The following NPRL3 variants were observed in gnomAD, a reference collection of about 807,000 sequenced individuals.
NPRL3 encodes the protein GATOR1 complex protein NPRL3.
A neutral mutation model predicts 57.2 loss-of-function variants in NPRL3; 23 were observed. The ratio of observed to expected loss-of-function variants is 0.40; its 90% confidence interval spans 0.29 to 0.57. The LOEUF is 0.57. NPRL3 is among the 20% of genes least tolerant of loss of function. NPRL3 has a pLI of 0.42. For missense variants in NPRL3, 691 were observed against 767.1 expected (o/e 0.90, Z 1.17); for synonymous variants, 333 against 321.1 (o/e 1.04, Z -0.39).
At chr16:124,453 G>A (rs923247376) in intron 3 of NPRL3, among the ~76,000 whole-genome samples, 3 of 151,074 alleles carry the variant, frequency 2.0e-5, no homozygotes, top group South Asian at 4.2e-4. Flanking sequence ...CTCCTGCCTC[G>A]GCCTCCCAAA....
intron 11 of NPRL3, among the ~76,000 whole-genome samples, chr16:92,032 C>T (rs979045164): frequency 5.9e-5 from 9 of 152,218 alleles, no homozygotes; most frequent in Non-Finnish European, 1.0e-4. Flanking sequence ...TAGCTCCCAA[C>T]CTGCCTGCCC....
rs370742366 is a variant in NPRL3 at position 86,667 on chromosome 16, C to G, written c.*38G>C. On this transcript the variant is annotated 3_prime_UTR_variant, in exon 14 of 14. Transcript: ENST00000611875. ...TGGGGTGGGGAGACGCGAGCGCCCA[C>G]CTGCGCACCCCAGCAGCCTTCCGCC... The G allele has an allele frequency of 2.0e-4, 301 of 1,524,804 alleles. 1 individual carries two copies. In the African/African-American group the frequency reaches 3.7e-3, roughly 19 times the overall value. The allele number at this position is 1,524,804 out of a possible 1,614,324, so 94.5% of individuals were successfully genotyped here.
chr16:91,026 GCCAAGATCACGCCACTGTACT>G (rs1236862212), intron 11 of NPRL3: 9 of 152,080 alleles, frequency 5.9e-5, no homozygotes, highest in African/African-American at 1.9e-4. Flanking sequence ...GTTGCAGTGA[GCCAAGATCACGCCACTGTACT>G]TCAGCCTGGA....
At chr16:89,291 C>G in intron 12 of NPRL3, 1 of 267,648 alleles carries the variant, frequency 3.7e-6, no homozygotes, top group Non-Finnish European at 7.1e-6. Context: ...CTTCCACCCC[C>G]TTCCTTCCCC....
intron 9 of NPRL3, among the ~76,000 whole-genome samples, chr16:97,692 CAG>C (rs1179454542): frequency 1.3e-5 from 2 of 152,122 alleles, no homozygotes; most frequent in African/African-American, 4.8e-5. Context: ...TGTGCACACA[CAG>C]GGGCGTAAGG....
chr16:127,206 T>G, intron 3 of NPRL3: 1 of 152,488 alleles, frequency 6.6e-6, no homozygotes, highest in Non-Finnish European at 1.4e-5. Flanking sequence ...CTCAAAAAAC[T>G]AGCCCCCTCT....
intron 7 of NPRL3, among the ~76,000 whole-genome samples, chr16:102,908 T>C (rs1567135856): frequency 6.6e-6 from 1 of 152,146 alleles, no homozygotes; most frequent in African/African-American, 2.4e-5. Context: ...TCAGGGTCTT[T>C]GCAGGGTGAA....
At chr16:133,755 AGCTTTCAACAT>A (rs1396106736) in intron 2 of NPRL3, among the ~76,000 whole-genome samples, 2 of 152,206 alleles carry the variant, frequency 1.3e-5, no homozygotes, top group Non-Finnish European at 2.9e-5. Flanking sequence ...GGCCTAGTTC[AGCTTTCAACAT>A]GCCTTCCTCA....
intron 9 of NPRL3, among the ~76,000 whole-genome samples, chr16:94,529 G>A (rs1024259159): frequency 3.3e-5 from 5 of 152,120 alleles, no homozygotes; most frequent in Non-Finnish European, 7.4e-5. Flanking sequence ...CAGGAGGATC[G>A]CCTGAACCTC....
At chr16:127,717 C>T (rs1276238716) in intron 3 of NPRL3, among the ~76,000 whole-genome samples, 2 of 148,874 alleles carry the variant, frequency 1.3e-5, no homozygotes, top group Admixed American at 1.3e-4. Flanking sequence ...TGCAGTGGCA[C>T]AATCTTGGCT....
rs761632291 is a variant in NPRL3 at position 112,787 on chromosome 16, A to G, written c.394-12T>C. Reference sequence around the variant, plus strand: ...GGGTCTGCGTTGGCCTGCAGGAGAGAGACCATACACAGACTCAAACGTGTG... The same window carrying G: ...GGGTCTGCGTTGGCCTGCAGGAGAGGGACCATACACAGACTCAAACGTGTG... On this transcript the variant is annotated splice_polypyrimidine_tract_variant and intron_variant, in intron 5 of 13. Coordinates refer to ENST00000611875, the MANE Select transcript of NPRL3 (RefSeq NM_001077350.3). The G allele has an allele frequency of 5.6e-5, 88 of 1,585,518 alleles. No individual in the cohort carries two copies. Among genetic ancestry groups the G allele is most frequent in the Non-Finnish European group, 7.4e-5 (86 of 1,159,966 alleles).
chr16:100,970 CAAAAAAAA>C lies in NPRL3; in HGVS notation c.630-469_630-462del, dbSNP rs59640237. ...TGGGCAACAAGGCAAGACTCTGTCT[CAAAAAAAA>C]AAAAAAAAAAAAGGAAGAAGAAGAA... is the stretch of plus-strand genomic sequence containing the variant. On this transcript the variant is annotated intron_variant, in intron 7 of 13. Transcript: ENST00000611875. Among the ~76,000 whole-genome samples, 25 of 36,118 alleles carry C rather than the reference CAAAAAAAA, an allele frequency of 6.9e-4. 1 individual carries two copies. The highest frequency in any genetic ancestry group is 1.7e-3 in the South Asian group (1 of 572). 23.7% of individuals were successfully genotyped at this position (36,118 alleles called of 152,430 possible).
intron 3 of NPRL3, among the ~76,000 whole-genome samples, chr16:121,021 A>G (rs189180194): frequency 6.6e-6 from 1 of 152,156 alleles, no homozygotes; most frequent in East Asian, 1.9e-4. Context: ...ACAGAAAAAT[A>G]ACCACCACCA....
At chr16:111,574 C>T (rs1342765249) in intron 6 of NPRL3, among the ~76,000 whole-genome samples, 2 of 151,830 alleles carry the variant, frequency 1.3e-5, no homozygotes, top group East Asian at 1.9e-4. Context: ...CTCAGCATCC[C>T]GAGTAGCTGG....
chr16:122,810 C>G (rs952257889), intron 3 of NPRL3, among the ~76,000 whole-genome samples: 4 of 152,084 alleles, frequency 2.6e-5, no homozygotes, highest in East Asian at 1.9e-4. Context: ...CTGCTCCCCC[C>G]ACCCACCTAA....
At chr16:99,959 C>CAAAAAAAAAAAAAAAAAAAAAAAAA (rs11304941) in intron 8 of NPRL3, among the ~76,000 whole-genome samples, 10 of 61,014 alleles carry the variant, frequency 1.6e-4, no homozygotes, top group Non-Finnish European at 3.3e-4. Flanking sequence ...CACACCCCCG[C>CAAAAAAAAAAAAAAAAAAAAAAAAA]AAAAAAAAAA....
At chr16:114,987 T>A (rs567897797) in intron 5 of NPRL3, among the ~76,000 whole-genome samples, 168 of 151,856 alleles carry the variant, frequency 1.1e-3, no homozygotes, top group African/African-American at 3.8e-3. Context: ...TATTTCTTTT[T>A]TTTTTTAAGA....
At chr16:132,692 C>T (rs1188850173) in intron 2 of NPRL3, among the ~76,000 whole-genome samples, 20 of 140,026 alleles carry the variant, frequency 1.4e-4, no homozygotes, top group African/African-American at 8.0e-5. Flanking sequence ...TTTTTTGAGA[C>T]GGAGTCTCGC....
intron 7 of NPRL3, among the ~76,000 whole-genome samples, chr16:106,302 C>T (rs1009307689): frequency 1.3e-5 from 2 of 151,260 alleles, no homozygotes; most frequent in South Asian, 2.1e-4. Flanking sequence ...AGCAAGACTC[C>T]GTCTCAAACA....
Sources: allele counts gnomAD v4.1 joint callset (sites outside exome capture counted in the v4.1 genomes callset), GRCh38; gene constraint gnomAD v4.1.1; transcripts MANE v1.5; gene names NCBI Gene and HGNC (gene_info 2026-07-23, HGNC 2026-07-21).